ASTN1: variants seen among roughly 807,000 people sequenced by gnomAD.
The protein encoded by ASTN1 is astrotactin-1.
ASTN1 carries 41 observed loss-of-function variants against 140.7 expected under a neutral mutation model. The ratio of observed to expected loss-of-function variants is 0.29; its 90% CI spans 0.23 to 0.38. The LOEUF is 0.38. ASTN1 is among the 10% of genes least tolerant of loss of function. The pLI, the probability that ASTN1 is intolerant of heterozygous loss-of-function variation, is 1.00. For synonymous variants in ASTN1, 640 were observed against 652.2 expected (o/e 0.98, Z 0.29); for missense variants, 1,479 against 1,678.8 (o/e 0.88, Z 2.08).
At chr1:177,111,902 A>G (rs917687790) in intron 1 of ASTN1, among the ~76,000 whole-genome samples, 7 of 152,106 alleles carry the variant, frequency 4.6e-5, no homozygotes, top group Non-Finnish European at 8.8e-5. Context: ...CCACATCCAC[A>G]GGGGTCGGCA....
chr1:176,935,459 A>G (rs936181616), intron 15 of ASTN1, among the ~76,000 whole-genome samples: 22 of 152,126 alleles, frequency 1.4e-4, no homozygotes, highest in Non-Finnish European at 3.2e-4. Context: ...CATCCTAATC[A>G]CTTCTTGCCA....
At chr1:176,951,691 TG>T (rs1453200628) in intron 11 of ASTN1, among the ~76,000 whole-genome samples, 1 of 152,216 alleles carries the variant, frequency 6.6e-6, no homozygotes, top group African/African-American at 2.4e-5. Context: ...ACATCTTGCC[TG>T]GCTTTAACGT....
At chr1:176,905,445 T>A (rs1404372004) in intron 16 of ASTN1, among the ~76,000 whole-genome samples, 1 of 152,208 alleles carries the variant, frequency 6.6e-6, no homozygotes, top group African/African-American at 2.4e-5. Context: ...GGCAAGGGAA[T>A]GTTGTAAGAG....
At chr1:176,995,137 C>T (rs10798494) in intron 8 of ASTN1, among the ~76,000 whole-genome samples, 54,182 of 152,060 alleles carry the variant, frequency 0.36, 10,372 homozygotes, top group Non-Finnish European at 0.43. Flanking sequence ...TGCAACCATT[C>T]GCTGATTCAT....
chr1:177,032,014 C>T (rs1449405274), intron 3 of ASTN1, among the ~76,000 whole-genome samples: 1 of 152,138 alleles, frequency 6.6e-6, no homozygotes, highest in East Asian at 1.9e-4. Flanking sequence ...CACCCCAGGC[C>T]CAATTCTCAG....
intron 1 of ASTN1, among the ~76,000 whole-genome samples, chr1:177,112,787 G>C (rs1420870869): frequency 2.6e-5 from 4 of 152,148 alleles, no homozygotes; most frequent in Non-Finnish European, 5.9e-5. Flanking sequence ...GACAGTCCCT[G>C]GTAGCCCAGA....
rs1256696821 is a variant in ASTN1, at chr1:176,863,260, G to GT, written c.*1023dup. Reference sequence around the variant, plus strand: ...TTTAGCAAGGTGGGGATGAACAGAAGTTTTTTGTGATCAATAATAGCTTTA... The same window carrying GT: ...TTTAGCAAGGTGGGGATGAACAGAAGTTTTTTTGTGATCAATAATAGCTTTA... On this transcript the variant is annotated 3_prime_UTR_variant, in exon 23 of 23. Coordinates refer to ENST00000361833, the MANE Select transcript of ASTN1 (RefSeq NM_004319.3). 18 of 985,896 alleles carry GT rather than the reference G, an allele frequency of 1.8e-5. No individual in the cohort carries two copies. The highest frequency in any genetic ancestry group is 1.9e-5 in the Non-Finnish European group (16 of 829,936). The allele number at this position is 985,896 out of a possible 1,614,324, so 61.1% of individuals were successfully genotyped here. A position where few individuals can be genotyped will look rare whatever the true frequency, so the allele number is the denominator to read the frequency against.
At chr1:177,080,962 C>T (rs4652224) in intron 1 of ASTN1, among the ~76,000 whole-genome samples, 1,613 of 152,276 alleles carry the variant, frequency 0.011, 19 homozygotes, top group Middle Eastern at 0.037. Context: ...TGTGTGCACC[C>T]TTCTCTCTGT....
At chr1:177,090,596 T>A (rs1679702537) in intron 1 of ASTN1, among the ~76,000 whole-genome samples, 1 of 152,102 alleles carries the variant, frequency 6.6e-6, no homozygotes, top group Non-Finnish European at 1.5e-5. Context: ...CATTTGATAA[T>A]AAATTCCACC....
downstream of ASTN1, among the ~76,000 whole-genome samples, chr1:176,858,662 C>A (rs928530949): frequency 2.0e-5 from 3 of 152,174 alleles, no homozygotes; most frequent in African/African-American, 7.2e-5. Context: ...AACAACTAAA[C>A]AAACAAGAAT....
intron 8 of ASTN1, among the ~76,000 whole-genome samples, chr1:177,002,493 G>T (rs228015): frequency 6.6e-6 from 1 of 151,598 alleles, no homozygotes; most frequent in African/African-American, 2.4e-5. Context: ...ATAAAACCAG[G>T]AGTATGAGCA....
intron 13 of ASTN1, among the ~76,000 whole-genome samples, chr1:176,945,295 G>C (rs960865342): frequency 6.6e-6 from 1 of 152,060 alleles, no homozygotes; most frequent in African/African-American, 2.4e-5. Context: ...TACAATATTA[G>C]AAGTTAAAAT....
At chr1:177,049,663 C>A (rs1677435171) in intron 2 of ASTN1, among the ~76,000 whole-genome samples, 1 of 152,224 alleles carries the variant, frequency 6.6e-6, no homozygotes, top group Non-Finnish European at 1.5e-5. Flanking sequence ...CATTAGGCTG[C>A]TTGCCTCATC....
At chr1:177,102,740 C>CA (rs1680361158) in intron 1 of ASTN1, among the ~76,000 whole-genome samples, 1 of 152,072 alleles carries the variant, frequency 6.6e-6, no homozygotes, top group African/African-American at 2.4e-5. Context: ...AGAGACCTTC[C>CA]AAAAATCAGG....
chr1:176,865,484 G>C (rs540558510), intron 22 of ASTN1, among the ~76,000 whole-genome samples: 1 of 152,180 alleles, frequency 6.6e-6, no homozygotes, highest in African/African-American at 2.4e-5. Context: ...AAGAGTAAAA[G>C]ATCAGGATCC....
At chr1:176,933,686 A>G (rs1671309831) in intron 16 of ASTN1, among the ~76,000 whole-genome samples, 1 of 152,224 alleles carries the variant, frequency 6.6e-6, no homozygotes, top group Non-Finnish European at 1.5e-5. Flanking sequence ...AATCAGTCGG[A>G]AAAATGAGCC....
At chr1:176,947,075 G>A (rs754071046) in intron 12 of ASTN1, among the ~76,000 whole-genome samples, 5 of 152,206 alleles carry the variant, frequency 3.3e-5, no homozygotes, top group Non-Finnish European at 7.3e-5. Context: ...TCTGTCTTAT[G>A]TAGAGGAACA....
At chr1:177,064,954 C>G (rs1678278318) in intron 1 of ASTN1, among the ~76,000 whole-genome samples, 1 of 152,120 alleles carries the variant, frequency 6.6e-6, no homozygotes, top group Non-Finnish European at 1.5e-5. Context: ...CTTGGAACAT[C>G]AATGTAATCA....
At chr1:176,987,969 G>A (rs1160780362) in intron 8 of ASTN1, among the ~76,000 whole-genome samples, 2 of 152,164 alleles carry the variant, frequency 1.3e-5, no homozygotes, top group Admixed American at 1.3e-4. Flanking sequence ...TAACCCCAAA[G>A]TTTCTCATCT....
Sources: gnomAD v4.1 joint callset for allele counts (sites outside exome capture counted in the v4.1 genomes callset) on GRCh38, gnomAD v4.1.1 for gene constraint, MANE v1.5 for transcripts, NCBI Gene and HGNC (gene_info 2026-07-23, HGNC 2026-07-21) for gene names.